Variants in PCDH11X observed in about 807,000 individuals in gnomAD.
PCDH11X encodes protocadherin 11 X-linked, also known as protocadherin-11 X-linked.
In PCDH11X, 18 loss-of-function variants were observed where a neutral mutation model predicts 53.3. That is an observed-to-expected ratio of 0.34 (90% CI 0.23 to 0.50). PCDH11X has a LOEUF of 0.50. Ranked by LOEUF, PCDH11X falls within the 20% of genes least tolerant of loss-of-function variation. The probability of loss-of-function intolerance (pLI) is 0.98; values close to 1 mark genes in which losing one functional copy is unlikely to be tolerated. For synonymous variants in PCDH11X, 279 were observed against 393.3 expected (o/e 0.71, Z 3.44); for missense variants, 570 against 1,032.4 (o/e 0.55, Z 6.14).
At chrX:92,256,583 A>C (rs762034951) in intron 7 of PCDH11X, among the ~76,000 whole-genome samples, 2 of 111,232 alleles carry the variant, frequency 1.8e-5, no homozygotes, top group South Asian at 7.6e-4. Flanking sequence ...TCAAGGGTGC[A>C]TGTCCAGGAT....
chrX:91,805,471 T>G (rs972739938), intron 1 of PCDH11X, among the ~76,000 whole-genome samples: 3 of 111,273 alleles, frequency 2.7e-5, no homozygotes. Flanking sequence ...TAGAAACATA[T>G]TCACAATAGT....
intron 1 of PCDH11X, among the ~76,000 whole-genome samples, chrX:91,797,594 G>A (rs1025353627): frequency 1.4e-4 from 16 of 110,999 alleles, no homozygotes; most frequent in Non-Finnish European, 2.5e-4. Flanking sequence ...TGTTTGAACC[G>A]TAAAGGGAGA....
intron 6 of PCDH11X, among the ~76,000 whole-genome samples, chrX:91,918,304 G>A (rs779780087): frequency 9.8e-4 from 107 of 108,972 alleles, no homozygotes; most frequent in African/African-American, 3.4e-3. Flanking sequence ...TATTTTTGCT[G>A]GAATTTCTCT....
intron 6 of PCDH11X, among the ~76,000 whole-genome samples, chrX:91,952,415 T>C (rs77342323): frequency 0.055 from 6,091 of 111,622 alleles, 134 homozygotes; most frequent in Middle Eastern, 0.061. Flanking sequence ...CTTGAGTCAG[T>C]TGTAAAACTT....
chrX:92,577,396 C>A (rs958429365), intron 10 of PCDH11X, among the ~76,000 whole-genome samples: 2 of 109,314 alleles, frequency 1.8e-5, no homozygotes, highest in African/African-American at 6.7e-5. Flanking sequence ...GTGGTATCCC[C>A]CTTATCATTT....
intron 7 of PCDH11X, among the ~76,000 whole-genome samples, chrX:92,242,051 C>T (rs2067270783): frequency 3.7e-5 from 4 of 108,436 alleles, no homozygotes; most frequent in Non-Finnish European, 7.6e-5. Flanking sequence ...GAGCTGAGAT[C>T]ATGCCACTGC....
At chrX:92,120,264 A>T (rs1458262604) in intron 6 of PCDH11X, among the ~76,000 whole-genome samples, 1 of 105,068 alleles carries the variant, frequency 9.5e-6, no homozygotes, top group Non-Finnish European at 1.9e-5. Context: ...GGGTTCAAGC[A>T]GTTCTCTGCC....
chrX:91,885,289 C>T (rs1272494715), intron 6 of PCDH11X, among the ~76,000 whole-genome samples: 1 of 111,637 alleles, frequency 9.0e-6, no homozygotes, highest in South Asian at 3.7e-4. Context: ...AGTTACTCCC[C>T]TTTTATTCTT....
intron 4 of PCDH11X, among the ~76,000 whole-genome samples, chrX:91,817,031 C>T (rs1255369119): frequency 2.8e-5 from 3 of 108,428 alleles, no homozygotes; most frequent in Non-Finnish European, 3.8e-5. Flanking sequence ...AAACTCCTAT[C>T]GACCCTACCC....
chrX:92,471,913 A>G (rs1268913485), intron 10 of PCDH11X, among the ~76,000 whole-genome samples: 1 of 110,929 alleles, frequency 9.0e-6, no homozygotes, highest in East Asian at 2.8e-4. Context: ...CTTCTTTTGA[A>G]AAGTGTCTGC....
intron 10 of PCDH11X, among the ~76,000 whole-genome samples, chrX:92,478,599 T>C (rs1462951591): frequency 9.1e-6 from 1 of 110,366 alleles, no homozygotes; most frequent in Non-Finnish European, 1.9e-5. Flanking sequence ...AATAACTTCT[T>C]GATTTCTGCC....
intron 6 of PCDH11X, among the ~76,000 whole-genome samples, chrX:91,955,360 G>A: frequency 9.1e-6 from 1 of 109,616 alleles, no homozygotes; most frequent in South Asian, 4.0e-4. Flanking sequence ...CTGTAGCCTT[G>A]TAGTATAGTT....
At chrX:91,874,465 T>C (rs1939490114) in intron 5 of PCDH11X, among the ~76,000 whole-genome samples, 2 of 111,683 alleles carry the variant, frequency 1.8e-5, no homozygotes, top group East Asian at 5.6e-4. Context: ...GTTTATTGTA[T>C]GAATTAAAAA....
intron 10 of PCDH11X, among the ~76,000 whole-genome samples, chrX:92,531,596 AATACTG>A (rs1268429863): frequency 2.4e-5 from 2 of 82,536 alleles, no homozygotes; most frequent in South Asian, 7.7e-4. Context: ...TAAGCAGCTA[AATACTG>A]ATACTAATAC....
intron 7 of PCDH11X, among the ~76,000 whole-genome samples, chrX:92,222,581 G>T (rs768435674): frequency 9.0e-6 from 1 of 111,722 alleles, no homozygotes; most frequent in Non-Finnish European, 1.9e-5. Flanking sequence ...TTGGAAATAC[G>T]ATAGGACAAC....
At chrX:92,292,825 A>G (rs2068519537) in intron 8 of PCDH11X, among the ~76,000 whole-genome samples, 1 of 111,533 alleles carries the variant, frequency 9.0e-6, no homozygotes, top group Non-Finnish European at 1.9e-5. Context: ...CCAGCAATGA[A>G]TTATTCAATT....
At position 92,623,218 on chromosome X, in the gene PCDH11X, T is replaced by C. The variant is rs1333923671; in HGVS notation, c.*4278T>C. On this transcript the variant is annotated 3_prime_UTR_variant, in exon 11 of 11. Coordinates refer to ENST00000682573, the MANE Select transcript of PCDH11X (RefSeq NM_032968.5). The stretch of plus-strand genomic sequence containing the variant: ...CTTATTAATATATATTAATAAAAGT[T>C]ATGAGAAATAAACATTCATTGTTAT... 9.9e-5 allele frequency: 11 copies of C among 110,884 alleles called. No individual in the cohort carries two copies. The highest frequency in any genetic ancestry group is 2.1e-4 in the Non-Finnish European group (11 of 52,788). The allele number at this position is 110,884 out of a possible 1,213,427, so 9.1% of individuals were successfully genotyped here.
At chrX:91,946,599 A>G (rs181605661) in intron 6 of PCDH11X, among the ~76,000 whole-genome samples, 1,089 of 76,070 alleles carry the variant, frequency 0.014, 26 homozygotes, top group South Asian at 0.075. Flanking sequence ...ATATATATAT[A>G]GCTATTTAAA....
chrX:92,056,729 A>G (rs2063455122), intron 6 of PCDH11X, among the ~76,000 whole-genome samples: 1 of 110,968 alleles, frequency 9.0e-6, no homozygotes, highest in South Asian at 3.7e-4. Flanking sequence ...AATTATATTT[A>G]TGTATTTAGA....
Sources: gnomAD v4.1 joint callset for allele counts (sites outside exome capture counted in the v4.1 genomes callset) on GRCh38, gnomAD v4.1.1 for gene constraint, MANE v1.5 for transcripts, NCBI Gene and HGNC (gene_info 2026-07-23, HGNC 2026-07-21) for gene names.